Variants in PCDHA9 observed in about 807,000 individuals in gnomAD.
PCDHA9 encodes protocadherin alpha 9.
Under a neutral mutation model 62.0 loss-of-function variants are expected in PCDHA9, and 62 were observed. The ratio of observed to expected loss-of-function variants is 1.00; its 90% confidence interval spans 0.81 to 1.23. The LOEUF (loss-of-function observed/expected upper bound fraction) is 1.23. Among genes scored for constraint, PCDHA9 ranks in the 50% most tolerant of loss-of-function variants. The pLI, the probability that PCDHA9 is intolerant of heterozygous loss-of-function variation, is 0.00. For missense variants in PCDHA9, 1,205 were observed against 1,249.8 expected, an observed-to-expected ratio of 0.96 and a Z score of 0.54; for synonymous variants, 557 against 567.6, an observed-to-expected ratio of 0.98 and a Z score of 0.27.
At position 140,850,322 on chromosome 5, in the gene PCDHA9, C is replaced by A. The variant is rs2150479524; in HGVS notation, c.1827C>A (p.Tyr609Ter). 3 of 1,597,382 alleles carry A rather than the reference C, an allele frequency of 1.9e-6. No homozygotes were observed. Among genetic ancestry groups the A allele is most frequent in the African/African-American group, 1.3e-5 (1 of 74,276 alleles). ...CGGGCTACAACGCGTGGCTTTCATA[C>A]GAGCTGCAGCCAGAAACGGCCAGCG... ...ADSGYNAWLS[Y>*]ELQPETASAS... Residue 609 changes from tyrosine (Y) to a stop codon, truncating the protein, a stop_gained, in exon 1 of 4, where the codon TAC becomes TAA. Transcript: ENST00000532602. LOFTEE classifies it high-confidence loss of function.
Position 140,848,507 on chromosome 5 carries a change from A to G in PCDHA9, c.12A>G (p.Ser4=). Reference sequence around the variant, plus strand: ...ACTGAGTATTTGAAATGTTATACTCAAGTCGAGGAGATCCAGAGGGTCAGC... The same window carrying G: ...ACTGAGTATTTGAAATGTTATACTCGAGTCGAGGAGATCCAGAGGGTCAGC... The part of the protein sequence containing the change: MLY[S]SRGDPEGQPL... The change falls in exon 1 of 4, where the codon TCA becomes TCG. Residue 4 remains serine (S), a synonymous_variant. Coordinates refer to ENST00000532602, the MANE Select transcript of PCDHA9 (RefSeq NM_031857.2). 1.3e-6 allele frequency: 2 copies of G among 1,588,934 alleles called. No individual in the cohort carries two copies.
At chr5:140,969,337 AC>A in intron 1 of PCDHA9, 1 of 1,613,970 alleles carries the variant, frequency 6.2e-7, no homozygotes, top group East Asian at 2.2e-5. Flanking sequence ...ATGAGGTGAG[AC>A]AGTGGTCAGG....
intron 3 of PCDHA9, among the ~76,000 whole-genome samples, chr5:140,982,966 G>A (rs1407279371): frequency 6.6e-6 from 1 of 151,986 alleles, no homozygotes; most frequent in African/African-American, 2.4e-5. Flanking sequence ...CCCACCCAAA[G>A]TAGTAAGGAA....
chr5:140,877,797 C>T, intron 1 of PCDHA9: 1 of 1,613,630 alleles, frequency 6.2e-7, no homozygotes. Flanking sequence ...TCAGCCCAAG[C>T]CTTCAGCTGT....
At chr5:140,883,760 CG>C (rs1160842473) in intron 1 of PCDHA9, 1 of 1,612,672 alleles carries the variant, frequency 6.2e-7, no homozygotes, top group Non-Finnish European at 8.5e-7. Context: ...GGTGGAGCGG[CG>C]GGTGGGCGAG....
At chr5:141,001,536 A>G (rs562513933) in intron 3 of PCDHA9, among the ~76,000 whole-genome samples, 153 of 152,240 alleles carry the variant, frequency 1.0e-3, no homozygotes, top group African/African-American at 3.5e-3. Context: ...CTGATCCTGG[A>G]CAGGATTTGG....
chr5:140,907,997 T>G (rs1352895327), intron 1 of PCDHA9, among the ~76,000 whole-genome samples: 1 of 152,186 alleles, frequency 6.6e-6, no homozygotes, highest in East Asian at 1.9e-4. Flanking sequence ...TCCTTAACCA[T>G]CCAGCCAAAC....
Position 140,966,485 on chromosome 5 carries a change from C to G in PCDHA9, c.2395-12464C>G, listed in dbSNP as rs564574047. 5.5e-4 allele frequency: 237 copies of G among 432,246 alleles called. 1 individual carries two copies. The highest frequency in any genetic ancestry group is 4.6e-3 in the African/African-American group (223 of 48,858). 26.8% of individuals were successfully genotyped at this position (432,246 alleles called of 1,614,324 possible). A position where few individuals can be genotyped will look rare whatever the true frequency, so the allele number is the denominator to read the frequency against. Reference sequence around the variant, plus strand: ...TCTTCCCTTCTGTTTCCTTTTCCCTCCCCCTGGAGCTGTAGCGGCAGCAGC... The same window carrying G: ...TCTTCCCTTCTGTTTCCTTTTCCCTGCCCCTGGAGCTGTAGCGGCAGCAGC... On this transcript the variant is annotated intron_variant, in intron 1 of 3. Transcript: ENST00000532602.
intron 1 of PCDHA9, chr5:140,870,835 A>G (rs1304748663): frequency 1.9e-6 from 3 of 1,613,670 alleles, no homozygotes; most frequent in Admixed American, 3.3e-5. Context: ...CGCAGTTAAC[A>G]AGCTAGTACC....
At chr5:140,880,509 T>G (rs754891409) in intron 1 of PCDHA9, among the ~76,000 whole-genome samples, 134 of 152,182 alleles carry the variant, frequency 8.8e-4, no homozygotes, top group Non-Finnish European at 1.6e-3. Flanking sequence ...TTCTGTTTGG[T>G]CACATCTCTC....
Position 140,848,427 on chromosome 5 carries a change from A to G in PCDHA9, c.-69A>G, listed in dbSNP as rs1781513413. The G allele has an allele frequency of 2.1e-6, 3 of 1,451,764 alleles. No homozygotes were observed. In the African/African-American group the frequency reaches 4.2e-5, roughly 20 times the overall value. The allele number at this position is 1,451,764 out of a possible 1,614,324, so 89.9% of individuals were successfully genotyped here. A position where few individuals can be genotyped will look rare whatever the true frequency, so the allele number is the denominator to read the frequency against. The stretch of plus-strand genomic sequence containing the variant: ...TGGCGAACACAGCAGAATGGGACTG[A>G]CGAAATCAGATGATTTCTTCTAATT... On this transcript the variant is annotated 5_prime_UTR_variant, in exon 1 of 4. An upstream open reading frame in the 5' UTR loses its in-frame stop. Coordinates refer to ENST00000532602, the MANE Select transcript of PCDHA9 (RefSeq NM_031857.2).
intron 1 of PCDHA9, chr5:140,877,580 C>T (rs559831598): frequency 2.5e-6 from 4 of 1,613,804 alleles, no homozygotes; most frequent in African/African-American, 1.3e-5. Context: ...CTCATCATCG[C>T]CATCTGTGCG....
chr5:140,856,683 C>T, intron 1 of PCDHA9: 1 of 1,597,480 alleles, frequency 6.3e-7, no homozygotes, highest in Non-Finnish European at 8.6e-7. Context: ...TTGTTGTTGA[C>T]AGCAACTGAT....
intron 3 of PCDHA9, among the ~76,000 whole-genome samples, chr5:140,995,873 C>T (rs1554254864): frequency 6.6e-6 from 1 of 152,126 alleles, no homozygotes; most frequent in Non-Finnish European, 1.5e-5. Flanking sequence ...AATTGTGCAA[C>T]CTGTGCTTCA....
intron 1 of PCDHA9, among the ~76,000 whole-genome samples, chr5:140,936,899 A>G (rs2091202352): frequency 6.6e-6 from 1 of 152,188 alleles, no homozygotes; most frequent in South Asian, 2.1e-4. Context: ...AATTGGCACT[A>G]TATTGAATCT....
chr5:140,967,361 C>G (rs1323729968), intron 1 of PCDHA9: 9 of 1,607,256 alleles, frequency 5.6e-6, no homozygotes, highest in African/African-American at 1.3e-5. Context: ...GGACCTTAAG[C>G]CCCTGCAGGA....
chr5:140,969,506 G>T, intron 1 of PCDHA9: 1 of 1,427,058 alleles, frequency 7.0e-7, no homozygotes, highest in Non-Finnish European at 9.3e-7. Flanking sequence ...TAGAAAAATA[G>T]CACTAAAGAA....
intron 1 of PCDHA9, among the ~76,000 whole-genome samples, chr5:140,965,230 C>T (rs2095881666): frequency 6.6e-6 from 1 of 152,126 alleles, no homozygotes; most frequent in Non-Finnish European, 1.5e-5. Flanking sequence ...ATGTGAGAAC[C>T]TGGGAAGAGT....
intron 1 of PCDHA9, among the ~76,000 whole-genome samples, chr5:140,891,837 G>T (rs563744812): frequency 2.9e-4 from 44 of 152,264 alleles, no homozygotes; most frequent in Admixed American, 1.9e-3. Flanking sequence ...AAAAGGACTT[G>T]ATGGAAGGAG....
Sources: gnomAD v4.1 joint callset for allele counts (sites outside exome capture counted in the v4.1 genomes callset) on GRCh38, gnomAD v4.1.1 for gene constraint, MANE v1.5 for transcripts, NCBI Gene and HGNC (gene_info 2026-07-23, HGNC 2026-07-21) for gene names.